Variants in CDH4 observed in about 807,000 individuals in gnomAD.
The protein encoded by CDH4 is cadherin-4.
CDH4 carries 33 observed loss-of-function variants against 86.0 expected under a neutral mutation model. The observed-to-expected ratio is 0.38, with a 90% CI of 0.29 to 0.51. The LOEUF (loss-of-function observed/expected upper bound fraction) is 0.51, where lower values mean the gene tolerates loss of function less well. CDH4 is among the 20% of genes least tolerant of loss of function. The probability of loss-of-function intolerance (pLI) is 0.86; values close to 1 mark genes in which losing one functional copy is unlikely to be tolerated. For synonymous variants in CDH4, 555 were observed against 549.4 expected (o/e 1.01, Z -0.14); for missense variants, 1,114 against 1,307.4 (o/e 0.85, Z 2.28).
intron 2 of CDH4, among the ~76,000 whole-genome samples, chr20:61,572,584 T>C (rs1286110499): frequency 6.6e-6 from 1 of 152,158 alleles, no homozygotes; most frequent in Non-Finnish European, 1.5e-5. Context: ...AGGACCCACA[T>C]AGGCAATGGG....
intron 2 of CDH4, among the ~76,000 whole-genome samples, chr20:61,262,823 C>T (rs373706235): frequency 1.3e-3 from 182 of 145,394 alleles, no homozygotes; most frequent in African/African-American, 4.6e-3. Flanking sequence ...TCTTCCCTCT[C>T]CCCTTCCCTC....
In CDH4 at chr20:61,928,175, GTGTC is replaced by G. The variant is rs2055065590; in HGVS notation, c.1772-11_1772-8del. The G allele has an allele frequency of 1.3e-6, 2 of 1,594,622 alleles. No homozygotes were observed. ...CCAGGAGTGGCCCGTGTGGTGACCTGTGTCTGTTCCACAGGGATACCCCCGGCCA... is the reference window on the plus strand; with the variant it reads ...CCAGGAGTGGCCCGTGTGGTGACCTGTGTTCCACAGGGATACCCCCGGCCA... On this transcript the variant is annotated splice_polypyrimidine_tract_variant and intron_variant, in intron 11 of 15. Coordinates refer to ENST00000614565, the MANE Select transcript of CDH4 (RefSeq NM_001794.5).
At chr20:61,564,756 C>T (rs996383233) in intron 2 of CDH4, among the ~76,000 whole-genome samples, 4 of 152,274 alleles carry the variant, frequency 2.6e-5, no homozygotes, top group East Asian at 3.9e-4. Flanking sequence ...CCAGTGGACA[C>T]GAGCTGGGAT....
Position 61,404,892 on chromosome 20 carries a change from T to G in CDH4, c.169+149955T>G, listed in dbSNP as rs561192803. On this transcript the variant is annotated intron_variant, in intron 2 of 15. Coordinates refer to ENST00000614565, the MANE Select transcript of CDH4 (RefSeq NM_001794.5). ...GGTGAAACCCCGTCTCTACTAAAAA[T>G]ACAAAAAATTAGCTGGGCATGGTGG... Among the ~76,000 whole-genome samples, 239 of 151,748 alleles carry G rather than the reference T, an allele frequency of 1.6e-3. 2 individuals are homozygous for G. The highest frequency in any genetic ancestry group is 6.8e-3 in the Middle Eastern group (2 of 294).
At chr20:61,712,007 G>A (rs2087898791) in intron 2 of CDH4, among the ~76,000 whole-genome samples, 1 of 152,184 alleles carries the variant, frequency 6.6e-6, no homozygotes, top group Non-Finnish European at 1.5e-5. Flanking sequence ...TGTGCAGGAG[G>A]GGTCCCCAGG....
At chr20:61,583,856 G>A (rs1281902415) in intron 2 of CDH4, among the ~76,000 whole-genome samples, 1 of 152,212 alleles carries the variant, frequency 6.6e-6, no homozygotes, top group African/African-American at 2.4e-5. Flanking sequence ...ATGACAGAGT[G>A]ACTTTTAAAA....
intron 2 of CDH4, among the ~76,000 whole-genome samples, chr20:61,431,283 T>C (rs539178266): frequency 6.6e-6 from 1 of 152,264 alleles, no homozygotes; most frequent in East Asian, 1.9e-4. Flanking sequence ...AAGTTTTATT[T>C]GTCAAATCTT....
At chr20:61,907,491 C>T (rs891828065) in intron 8 of CDH4, among the ~76,000 whole-genome samples, 7 of 152,196 alleles carry the variant, frequency 4.6e-5, no homozygotes, top group Non-Finnish European at 8.8e-5. Context: ...TATGGATCTC[C>T]AACCATGGCC....
At chr20:61,288,142 A>G (rs78720119) in intron 2 of CDH4, among the ~76,000 whole-genome samples, 2,914 of 152,224 alleles carry the variant, frequency 0.019, 45 homozygotes, top group Middle Eastern at 0.027. Flanking sequence ...TGTTTTTACC[A>G]AGTAGAACGC....
At chr20:61,726,979 A>C (rs979318002) in intron 2 of CDH4, among the ~76,000 whole-genome samples, 5 of 151,436 alleles carry the variant, frequency 3.3e-5, no homozygotes, top group African/African-American at 1.2e-4. Flanking sequence ...CATCATCGCC[A>C]CCATAGGTAC....
intron 2 of CDH4, among the ~76,000 whole-genome samples, chr20:61,331,626 T>A (rs2084575862): frequency 0.035 from 1,198 of 34,610 alleles, no homozygotes; most frequent in African/African-American, 0.046. Context: ...CAGGCCCACC[T>A]CCTGCCCCAG....
At chr20:61,647,556 T>TCTCTCTCTCTCTCTCC (rs1568731977) in intron 2 of CDH4, among the ~76,000 whole-genome samples, 23 of 105,872 alleles carry the variant, frequency 2.2e-4, no homozygotes, top group African/African-American at 7.0e-4. Flanking sequence ...CCTCTCCCTC[T>TCTCTCTCTCTCTCTCC]CCCTCTCCCT....
At chr20:61,827,227 G>A (rs188083906) in intron 4 of CDH4, among the ~76,000 whole-genome samples, 21 of 152,252 alleles carry the variant, frequency 1.4e-4, no homozygotes, top group East Asian at 5.8e-4. Context: ...CAACGCGTCC[G>A]TCTATCAAGT....
chr20:61,690,045 G>A (rs1600877706), intron 2 of CDH4, among the ~76,000 whole-genome samples: 2 of 151,656 alleles, frequency 1.3e-5, no homozygotes, highest in Admixed American at 6.6e-5. Flanking sequence ...GAGGTGATGT[G>A]GTCATCCGGC....
chr20:61,723,210 T>C (rs758946665), intron 2 of CDH4, among the ~76,000 whole-genome samples: 9 of 152,202 alleles, frequency 5.9e-5, no homozygotes, highest in Non-Finnish European at 1.2e-4. Context: ...CATGGAGCCC[T>C]GGTCAGCCTG....
At chr20:61,281,004 T>C (rs2084255656) in intron 2 of CDH4, among the ~76,000 whole-genome samples, 2 of 152,222 alleles carry the variant, frequency 1.3e-5, no homozygotes, top group Non-Finnish European at 2.9e-5. Flanking sequence ...GACTAAATGT[T>C]TCCCATTTAA....
chr20:61,866,071 T>C (rs1983534766), intron 6 of CDH4, among the ~76,000 whole-genome samples: 1 of 152,152 alleles, frequency 6.6e-6, no homozygotes, highest in African/African-American at 2.4e-5. Flanking sequence ...GACCGAAGTT[T>C]CCTACCTGGA....
In CDH4 at chr20:61,516,050, G is replaced by C. The variant is rs1370692601; in HGVS notation, c.170-227513G>C. ...GGGCTCTGGAACGCCCCCCCAATAC[G>C]ATTCCACCGCAGGCAGGCAGCTCCC... On this transcript the variant is annotated intron_variant, in intron 2 of 15. Coordinates refer to ENST00000614565, the MANE Select transcript of CDH4 (RefSeq NM_001794.5). The surrounding 1 kb of genome is among the most constrained non-coding windows in gnomAD (Gnocchi z 4.0). Among the ~76,000 whole-genome samples, 2 of 152,212 alleles carry C rather than the reference G, an allele frequency of 1.3e-5. No homozygotes were observed. Among genetic ancestry groups the C allele is most frequent in the South Asian group, 4.2e-4 (2 of 4,816 alleles).
intron 2 of CDH4, among the ~76,000 whole-genome samples, chr20:61,597,123 G>A (rs1449676667): frequency 2.0e-5 from 3 of 152,254 alleles, no homozygotes; most frequent in African/African-American, 7.2e-5. Flanking sequence ...GCACTCACAG[G>A]AGGCTGCTGT....
Sources: allele counts gnomAD v4.1 joint callset (sites outside exome capture counted in the v4.1 genomes callset), GRCh38; gene constraint gnomAD v4.1.1; non-coding constraint Gnocchi (gnomAD v3.1); transcripts MANE v1.5; gene names NCBI Gene and HGNC (gene_info 2026-07-23, HGNC 2026-07-21).